Variants in NPC1 observed in about 807,000 individuals in gnomAD.
The protein encoded by NPC1 is Niemann-Pick C1 protein.
In NPC1, 85 loss-of-function variants were observed where a neutral mutation model predicts 140.4. That is an observed-to-expected ratio of 0.61 (90% CI 0.51 to 0.72). The LOEUF (loss-of-function observed/expected upper bound fraction) is 0.72. NPC1 is among the 30% of genes least tolerant of loss of function. NPC1 has a pLI of 0.00. For missense variants in NPC1, 1,504 were observed against 1,623.8 expected, an observed-to-expected ratio of 0.93 and a Z score of 1.27; for synonymous variants, 656 against 624.8, an observed-to-expected ratio of 1.05 and a Z score of -0.74.
At chr18:23,546,499 A>T (rs2058792060) in intron 11 of NPC1, among the ~76,000 whole-genome samples, 1 of 152,196 alleles carries the variant, frequency 6.6e-6, no homozygotes, top group Admixed American at 6.5e-5. Context: ...CCTATGACTC[A>T]GCAATTCTAC....
chr18:23,580,452 T>C (rs902620291), intron 1 of NPC1, among the ~76,000 whole-genome samples: 2 of 152,236 alleles, frequency 1.3e-5, no homozygotes, highest in Non-Finnish European at 2.9e-5. Flanking sequence ...GTAGAAATAA[T>C]GCCTCCCATT....
chr18:23,553,578 T>A (rs2058905818), intron 9 of NPC1, among the ~76,000 whole-genome samples: 1 of 152,192 alleles, frequency 6.6e-6, no homozygotes, highest in African/African-American at 2.4e-5. Context: ...CTGAGCAGTG[T>A]CCTTAAAGGC....
At chr18:23,529,940 G>A, downstream of NPC1, 2 of 1,277,776 alleles carry the variant, frequency 1.6e-6, no homozygotes, top group South Asian at 1.3e-5. Context: ...TACTGTGTTG[G>A]TTAGAATAGC....
downstream of NPC1, chr18:23,528,167 G>A: frequency 2.9e-6 from 1 of 339,988 alleles, no homozygotes; most frequent in Non-Finnish European, 5.4e-6. Context: ...CTTGCCTGTA[G>A]ATCCTTGGTC....
At position 23,571,730 on chromosome 18, in the gene NPC1, T is replaced by C. The variant is rs184122794; in HGVS notation, c.287+344A>G. Among the ~76,000 whole-genome samples, 119 of 151,516 alleles carry C rather than the reference T, an allele frequency of 7.9e-4. 1 individual carries two copies. Among genetic ancestry groups the C allele is most frequent in the Non-Finnish European group, 4.4e-5 (3 of 67,896 alleles). On this transcript the variant is annotated intron_variant, in intron 3 of 24. Coordinates refer to ENST00000269228, the MANE Select transcript of NPC1 (RefSeq NM_000271.5). ...AGTGCATGCCTGTAGTCCTAGCTAC[T>C]CAGGAGGCTAAGGTAGAACAATCAC...
chr18:23,549,867 G>A (rs909769254), intron 10 of NPC1, among the ~76,000 whole-genome samples: 2 of 151,218 alleles, frequency 1.3e-5, no homozygotes, highest in African/African-American at 2.4e-5. Flanking sequence ...TCAGTCTCCC[G>A]AGTAGCTGGG....
intron 3 of NPC1, among the ~76,000 whole-genome samples, 182 bp downstream of exon 3, chr18:23,571,892 T>A (rs147452096): frequency 4.9e-4 from 75 of 151,598 alleles, no homozygotes; most frequent in African/African-American, 1.8e-3. Flanking sequence ...CATGTATTTT[T>A]AATACATAAA....
At chr18:23,526,161 T>A (rs2058292798), downstream of NPC1, among the ~76,000 whole-genome samples, 1 of 152,198 alleles carries the variant, frequency 6.6e-6, no homozygotes, top group Non-Finnish European at 1.5e-5. Context: ...TCAGTACATT[T>A]ATGGGTCGAT....
rs546697789 is a variant in NPC1, at chr18:23,585,082, A to C, written c.57+1205T>G. 2.0e-5 allele frequency among the ~76,000 whole-genome samples: 3 copies of C among 152,098 alleles called. No individual in the cohort carries two copies. The South Asian group carries it at 6.2e-4, about 32-fold the overall frequency. On this transcript the variant is annotated intron_variant, in intron 1 of 24. Transcript: ENST00000269228. ...AAATTTTAAAAATAAATTTTAAAAAACTCTAGGGAAACAGAATAGCCACAT... is the reference window on the plus strand; with the variant it reads ...AAATTTTAAAAATAAATTTTAAAAACCTCTAGGGAAACAGAATAGCCACAT...
chr18:23,532,716 A>G (rs1186497259), intron 24 of NPC1, among the ~76,000 whole-genome samples: 1 of 100,792 alleles, frequency 9.9e-6, no homozygotes, highest in Non-Finnish European at 2.0e-5. Flanking sequence ...TTTTTTTCTT[A>G]AAAGGAACTA....
rs145215769 is a variant in NPC1 at position 23,561,969 on chromosome 18, T to A, written c.464-442A>T. On this transcript the variant is annotated intron_variant, in intron 4 of 24. Transcript: ENST00000269228. ...ATGGAACTTACTTGGAAAACTGGTT[T>A]TAGAGCAGAGGTCACGTGTCAATAA... 4.3e-4 allele frequency among the ~76,000 whole-genome samples: 66 copies of A among 152,266 alleles called. No individual in the cohort carries two copies. In the East Asian group the frequency reaches 0.012, roughly 28 times the overall value.
rs1377832375 is a variant in NPC1, at chr18:23,582,460, A to C, written c.57+3827T>G. On this transcript the variant is annotated intron_variant, in intron 1 of 24. Transcript: ENST00000269228. ...CCAATTTTGATTGCCACTAGTTTCT[A>C]AGTCTCTCCCCAAAATCCATTTCAA... Among the ~76,000 whole-genome samples the C allele has an allele frequency of 2.6e-5, 4 of 152,292 alleles. No individual in the cohort carries two copies. The East Asian group carries it at 7.7e-4, about 29-fold the overall frequency.
downstream of NPC1, chr18:23,530,634 T>A: frequency 2.5e-6 from 4 of 1,606,676 alleles, no homozygotes; most frequent in Non-Finnish European, 3.4e-6. Context: ...ATGAAAAGAC[T>A]TGGGGTAACC....
chr18:23,547,128 A>G (rs2058801290), intron 11 of NPC1, among the ~76,000 whole-genome samples: 1 of 152,086 alleles, frequency 6.6e-6, no homozygotes, highest in Non-Finnish European at 1.5e-5. Flanking sequence ...TGAACTGTAT[A>G]CTTTAAGTGG....
At chr18:23,524,496 G>T, downstream of NPC1, 1 of 1,613,426 alleles carries the variant, frequency 6.2e-7, no homozygotes, top group Non-Finnish European at 8.5e-7. Context: ...GGTCAGCGGG[G>T]ACAGTTGTCG....
At chr18:23,544,817 A>G (rs1190071322) in intron 12 of NPC1, 143 bp downstream of exon 12, 2 of 719,922 alleles carry the variant, frequency 2.8e-6, no homozygotes, top group Non-Finnish European at 4.8e-6. Flanking sequence ...TGTAGGCAAC[A>G]GAAACGTTAC....
At position 23,544,949 on chromosome 18, in the gene NPC1, C is replaced by CCCCG. The variant is rs1555634678; in HGVS notation, c.1947+7_1947+10dup. ...AACCTCTAGAACATACACCACCCCCCCCCGGCTTACCAGAAGCCTGCGACA... is the reference window on the plus strand; with the variant it reads ...AACCTCTAGAACATACACCACCCCCCCCCGCCCGGCTTACCAGAAGCCTGCGACA... On this transcript the variant is annotated intron_variant, in intron 12 of 24. Coordinates refer to ENST00000269228, the MANE Select transcript of NPC1 (RefSeq NM_000271.5). 56 of 1,402,030 alleles carry CCCCG rather than the reference C, an allele frequency of 4.0e-5. 1 individual carries two copies. Among genetic ancestry groups the CCCCG allele is most frequent in the Admixed American group, 1.8e-4 (10 of 56,856 alleles). The allele number at this position is 1,402,030 out of a possible 1,614,324, so 86.8% of individuals were successfully genotyped here.
intron 1 of NPC1, among the ~76,000 whole-genome samples, chr18:23,577,723 G>A (rs2059306516): frequency 7.1e-6 from 1 of 141,086 alleles, no homozygotes; most frequent in Non-Finnish European, 1.6e-5. Context: ...GGAGGCCACG[G>A]AGGGGGTGGG....
chr18:23,578,614 ATC>A (rs1054766958), intron 1 of NPC1, among the ~76,000 whole-genome samples: 1 of 151,920 alleles, frequency 6.6e-6, no homozygotes, highest in East Asian at 1.9e-4. Context: ...TTTTAACCTC[ATC>A]TCTCTCTCAG....
Sources: allele counts gnomAD v4.1 joint callset (sites outside exome capture counted in the v4.1 genomes callset), GRCh38; gene constraint gnomAD v4.1.1; transcripts MANE v1.5; gene names NCBI Gene and HGNC (gene_info 2026-07-23, HGNC 2026-07-21).